The following PBX1 variants were observed in gnomAD, a reference collection of about 807,000 sequenced individuals.
PBX1 encodes the protein pre-B-cell leukemia transcription factor 1.
In PBX1, 6 loss-of-function variants were observed where a neutral mutation model predicts 53.4. The observed-to-expected ratio is 0.11, with a 90% CI of 0.06 to 0.22. PBX1 has a LOEUF of 0.22. Ranked by LOEUF, PBX1 falls within the 10% of genes least tolerant of loss-of-function variation. The pLI, the probability that PBX1 is intolerant of heterozygous loss-of-function variation, is 1.00. For missense variants in PBX1, 251 were observed against 551.4 expected (o/e 0.46, Z 5.46); for synonymous variants, 204 against 212.3 (o/e 0.96, Z 0.34).
At chr1:164,868,129 A>G in intron 2 of PBX1, among the ~76,000 whole-genome samples, 1 of 152,208 alleles carries the variant, frequency 6.6e-6, no homozygotes, top group East Asian at 1.9e-4. Flanking sequence ...GCTCACTGCT[A>G]GCTTTAAATT....
chr1:164,572,976 C>T (rs1294549796), intron 2 of PBX1, among the ~76,000 whole-genome samples: 1 of 152,076 alleles, frequency 6.6e-6, no homozygotes, highest in Non-Finnish European at 1.5e-5. Flanking sequence ...GGGCAAAACG[C>T]AGCAAAAGGC....
intron 8 of PBX1, among the ~76,000 whole-genome samples, chr1:164,836,269 C>A (rs927228781): frequency 3.3e-5 from 5 of 152,112 alleles, no homozygotes; most frequent in African/African-American, 1.2e-4. Context: ...ATATGCTCTG[C>A]CCATCTTATT....
intron 2 of PBX1, among the ~76,000 whole-genome samples, chr1:164,634,784 A>T (rs1039936075): frequency 6.6e-6 from 1 of 152,134 alleles, no homozygotes; most frequent in Admixed American, 6.5e-5. Flanking sequence ...GGGAGAAATG[A>T]TTACTCTCAG....
At chr1:164,829,117 T>C (rs1021137712) in intron 8 of PBX1, 1 of 152,224 alleles carries the variant, frequency 6.6e-6, no homozygotes, top group African/African-American at 2.4e-5. Context: ...ATGGTTCTTA[T>C]ACTTCATAAA....
chr1:164,751,016 T>A (rs1666182360), intron 2 of PBX1, among the ~76,000 whole-genome samples: 1 of 152,068 alleles, frequency 6.6e-6, no homozygotes, highest in South Asian at 2.1e-4. Flanking sequence ...TGATAATGAT[T>A]TTAAGATGGT....
intron 2 of PBX1, among the ~76,000 whole-genome samples, chr1:164,597,007 A>G (rs1242718591): frequency 6.6e-6 from 1 of 152,122 alleles, no homozygotes; most frequent in African/African-American, 2.4e-5. Context: ...AGTTACTTGC[A>G]TGCACCCTGT....
At chr1:164,668,214 T>TAA (rs1408407936) in intron 2 of PBX1, among the ~76,000 whole-genome samples, 1 of 152,164 alleles carries the variant, frequency 6.6e-6, no homozygotes, top group Non-Finnish European at 1.5e-5. Flanking sequence ...GGAATGAGCA[T>TAA]AAAGTCACAC....
intron 2 of PBX1, chr1:164,774,759 T>C (rs1440401619): frequency 6.6e-6 from 1 of 152,216 alleles, no homozygotes; most frequent in Non-Finnish European, 1.5e-5. Context: ...CTCTTCCCCA[T>C]TTCTCAACTG....
intron 1 of PBX1, among the ~76,000 whole-genome samples, chr1:164,561,211 T>C (rs934075003): frequency 2.0e-5 from 3 of 152,196 alleles, no homozygotes; most frequent in African/African-American, 7.2e-5. Flanking sequence ...TTCAGATGAC[T>C]TGGTTATATG....
chr1:164,764,197 A>G (rs546099382), intron 2 of PBX1, among the ~76,000 whole-genome samples: 55 of 152,274 alleles, frequency 3.6e-4, no homozygotes, highest in Middle Eastern at 3.4e-3. Flanking sequence ...TGTCTTCTAT[A>G]TCAGTTGCCC....
chr1:164,635,160 T>C (rs1658673063), intron 2 of PBX1, among the ~76,000 whole-genome samples: 1 of 152,142 alleles, frequency 6.6e-6, no homozygotes, highest in Non-Finnish European at 1.5e-5. Context: ...TATTAATCAC[T>C]GAATATACAG....
intron 5 of PBX1, 127 bp from the exon 6 acceptor site, chr1:164,811,863 C>T: frequency 2.7e-6 from 1 of 366,216 alleles, no homozygotes; most frequent in South Asian, 7.5e-5. Context: ...ACTGATGTTG[C>T]CAAATTATTA....
intron 2 of PBX1, among the ~76,000 whole-genome samples, chr1:164,875,192 C>G (rs1410484392): frequency 6.6e-6 from 1 of 152,036 alleles, no homozygotes; most frequent in Admixed American, 6.5e-5. Context: ...TTTATCAGGG[C>G]GTTACATCTG....
At chr1:164,596,422 T>A (rs1024330275) in intron 2 of PBX1, among the ~76,000 whole-genome samples, 2 of 152,238 alleles carry the variant, frequency 1.3e-5, no homozygotes, top group African/African-American at 4.8e-5. Flanking sequence ...CATTTTTAGT[T>A]TCAACCCATA....
chr1:164,876,604 G>A (rs976541239), intron 2 of PBX1, among the ~76,000 whole-genome samples: 2 of 151,932 alleles, frequency 1.3e-5, no homozygotes, highest in African/African-American at 4.8e-5. Context: ...ACTGTGCTCG[G>A]TGCTCTGTGT....
downstream of PBX1, among the ~76,000 whole-genome samples, chr1:164,853,302 G>A (rs1050772367): frequency 6.6e-6 from 1 of 152,198 alleles, no homozygotes; most frequent in African/African-American, 2.4e-5. Context: ...TCCCTGGCTA[G>A]GCAGCCACTT....
In PBX1 at chr1:164,847,660, C is replaced by T. The variant is rs1459050694; in HGVS notation, c.*984C>T. Reference sequence around the variant, plus strand: ...ACATGTAGGCACATGTACCATCTCACATCTTCACTTTCCCGAGATGCCATA... The same window carrying T: ...ACATGTAGGCACATGTACCATCTCATATCTTCACTTTCCCGAGATGCCATA... On this transcript the variant is annotated 3_prime_UTR_variant, in exon 9 of 9. Coordinates refer to ENST00000420696, the MANE Select transcript of PBX1 (RefSeq NM_002585.4). 1.9e-6 allele frequency: 2 copies of T among 1,059,856 alleles called. No individual in the cohort carries two copies. The highest frequency in any genetic ancestry group is 5.1e-5 in the East Asian group (1 of 19,488). 65.7% of individuals were successfully genotyped at this position (1,059,856 alleles called of 1,614,324 possible). A position where few individuals can be genotyped will look rare whatever the true frequency, so the allele number is the denominator to read the frequency against.
intron 2 of PBX1, among the ~76,000 whole-genome samples, chr1:164,878,745 A>C (rs928544163): frequency 6.6e-6 from 1 of 152,226 alleles, no homozygotes; most frequent in Non-Finnish European, 1.5e-5. Context: ...GGGTAAAAAA[A>C]CAAAATTATT....
intron 2 of PBX1, among the ~76,000 whole-genome samples, chr1:164,877,588 A>G (rs1283834680): frequency 1.3e-5 from 2 of 152,104 alleles, no homozygotes; most frequent in East Asian, 3.9e-4. Flanking sequence ...ACTTGAACCC[A>G]GTAGACAGAG....
Sources: gnomAD v4.1 joint callset for allele counts (sites outside exome capture counted in the v4.1 genomes callset) on GRCh38, gnomAD v4.1.1 for gene constraint, MANE v1.5 for transcripts, NCBI Gene and HGNC (gene_info 2026-07-23, HGNC 2026-07-21) for gene names.